ZZEF1: variants seen among roughly 807,000 people sequenced by gnomAD.
ZZEF1 encodes the protein zinc finger ZZ-type and EF-hand domain containing 1.
A neutral mutation model predicts 342.8 loss-of-function variants in ZZEF1; 157 were observed. That is an observed-to-expected ratio of 0.46 (90% confidence interval 0.40 to 0.52). The LOEUF (loss-of-function observed/expected upper bound fraction) is 0.52, where lower values mean the gene tolerates loss of function less well. Ranked by LOEUF, ZZEF1 falls within the 20% of genes least tolerant of loss-of-function variation. The pLI, the probability that ZZEF1 is intolerant of heterozygous loss-of-function variation, is 0.00. For synonymous variants in ZZEF1, 1,505 were observed against 1,429.1 expected (o/e 1.05, Z -1.20); for missense variants, 3,480 against 3,725.6 (o/e 0.93, Z 1.72).
At position 4,013,512 on chromosome 17, in the gene ZZEF1, G is replaced by A. The variant is rs1488698570; in HGVS notation, c.8516C>T (p.Thr2839Ile). ...GATGGCTTTTAATCGTTGATGGCCAGTCTGGCGACAGGCCACGCCCACCAG... is the reference window on the plus strand; with the variant it reads ...GATGGCTTTTAATCGTTGATGGCCAATCTGGCGACAGGCCACGCCCACCAG... Reference protein sequence around the residue: ...EWLVGVACRQTGHQRLKAIHL... With the variant: ...EWLVGVACRQIGHQRLKAIHL... The change falls in exon 52 of 55, where the codon ACT (threonine) becomes ATT (isoleucine). Residue 2839 changes from threonine (T) to isoleucine (I), a missense_variant. Transcript: ENST00000381638. 2 of 1,614,060 alleles carry A rather than the reference G, an allele frequency of 1.2e-6. No homozygotes were observed. Among genetic ancestry groups the A allele is most frequent in the Admixed American group, 1.7e-5 (1 of 60,006 alleles).
intron 1 of ZZEF1, among the ~76,000 whole-genome samples, chr17:4,136,399 C>T (rs891252000): frequency 1.3e-5 from 2 of 151,604 alleles, no homozygotes; most frequent in Non-Finnish European, 2.9e-5. Flanking sequence ...TGAACTACAA[C>T]CATAGAAAAC....
intron 52 of ZZEF1, among the ~76,000 whole-genome samples, chr17:4,011,514 A>G (rs2055956201): frequency 6.6e-6 from 1 of 151,944 alleles, no homozygotes; most frequent in Non-Finnish European, 1.5e-5. Context: ...TAAGTAAAGC[A>G]GAGCCTCTGC....
At chr17:4,038,641 C>T (rs2056729793) in intron 39 of ZZEF1, among the ~76,000 whole-genome samples, 2 of 152,024 alleles carry the variant, frequency 1.3e-5, no homozygotes, top group East Asian at 3.8e-4. Flanking sequence ...CCCGGCTCTA[C>T]TCAAAATATA....
At chr17:4,018,573 A>G (rs943716916) in intron 46 of ZZEF1, among the ~76,000 whole-genome samples, 8 of 152,234 alleles carry the variant, frequency 5.3e-5, no homozygotes, top group African/African-American at 1.7e-4. Flanking sequence ...CACAGAAAAC[A>G]GAAGTGAGGT....
chr17:4,102,413 T>A lies in ZZEF1; in HGVS notation c.1576A>T (p.Lys526Ter). The A allele has an allele frequency of 6.2e-7, 1 of 1,613,300 alleles. No individual in the cohort carries two copies. The highest frequency in any genetic ancestry group is 8.5e-7 in the Non-Finnish European group (1 of 1,179,428). Residue 526 changes from lysine to a stop codon, truncating the protein, a stop_gained and splice_region_variant, in exon 9 of 55, where the codon AAA (lysine) becomes TAA (stop). Transcript: ENST00000381638. LOFTEE classifies it high-confidence loss of function. ...GCCTGAAGAGTCAACTGGAGAGGTT[T>A]ACCTGACCAAAGAAAAGGAAGACCA... ...VRQNLLLKYG[K>*]PLQLTLQACD...
intron 1 of ZZEF1, 126 bp from the exon 2 acceptor site, chr17:4,124,177 C>T: frequency 8.4e-7 from 1 of 1,190,428 alleles, no homozygotes; most frequent in Non-Finnish European, 1.1e-6. Flanking sequence ...GAGAAGAGTC[C>T]ATATGTATCA....
intron 1 of ZZEF1, among the ~76,000 whole-genome samples, chr17:4,126,650 G>A (rs967341561): frequency 7.2e-5 from 11 of 152,156 alleles, no homozygotes; most frequent in African/African-American, 2.4e-4. Flanking sequence ...GTGGTAAAAA[G>A]CCTATTTTAA....
At chr17:4,110,482 C>T (rs1013291457) in intron 5 of ZZEF1, among the ~76,000 whole-genome samples, 1 of 152,148 alleles carries the variant, frequency 6.6e-6, no homozygotes, top group South Asian at 2.1e-4. Context: ...CTCTACCTCC[C>T]TAGGCCTCAG....
rs1371015214 is a variant in ZZEF1, at chr17:4,142,841, C to A, written c.55G>T (p.Glu19Ter). ...CAGTCCTGGTGTGGGCCCCAGCCCT[C>A]GCCACCGGCAGCTGCCGCTTCGTCT... ...SEDEAAAAGG[E>*]GWGPHQDWAA... is the part of the protein sequence containing the mutation. Residue 19 changes from glutamate (E) to a stop codon, truncating the protein, a stop_gained, in exon 1 of 55, where the codon GAG becomes TAG. Coordinates refer to ENST00000381638, the MANE Select transcript of ZZEF1 (RefSeq NM_015113.4). LOFTEE classifies it high-confidence loss of function. 7.2e-7 allele frequency: 1 copy of A among 1,396,602 alleles called. No individual in the cohort carries two copies. The highest frequency in any genetic ancestry group is 3.0e-5 in the East Asian group (1 of 32,944). The allele number at this position is 1,396,602 out of a possible 1,614,324, so 86.5% of individuals were successfully genotyped here. A position where few individuals can be genotyped will look rare whatever the true frequency, so the allele number is the denominator to read the frequency against.
intron 6 of ZZEF1, among the ~76,000 whole-genome samples, chr17:4,106,278 GCTAAGTAGTTTAATAGGGTTTTGTGTT>G (rs2058211745): frequency 6.6e-6 from 1 of 152,048 alleles, no homozygotes; most frequent in Non-Finnish European, 1.5e-5. Context: ...GAGTCACAGT[GCTAAGTAGTTTAATAGGGTTTTGTGTT>G]TGTTTGTTTC....
chr17:4,046,048 T>C (rs2056905948), intron 37 of ZZEF1, among the ~76,000 whole-genome samples: 1 of 152,180 alleles, frequency 6.6e-6, no homozygotes, highest in African/African-American at 2.4e-5. Flanking sequence ...AGGATGGTCT[T>C]GATCTCCTGA....
intron 38 of ZZEF1, among the ~76,000 whole-genome samples, chr17:4,043,921 C>T (rs1461961552): frequency 6.6e-6 from 1 of 152,220 alleles, no homozygotes; most frequent in Non-Finnish European, 1.5e-5. Context: ...CTGTGAGCTC[C>T]ATGAGGGCAG....
chr17:4,099,079 T>C (rs950564379), intron 9 of ZZEF1, among the ~76,000 whole-genome samples: 7 of 152,152 alleles, frequency 4.6e-5, no homozygotes, highest in East Asian at 3.9e-4. Context: ...CAGAATCGGA[T>C]AGACTCTTTT....
chr17:4,053,605 G>A (rs1009740864), intron 34 of ZZEF1, among the ~76,000 whole-genome samples: 2 of 152,240 alleles, frequency 1.3e-5, no homozygotes, highest in African/African-American at 4.8e-5. Flanking sequence ...GGCAAGGGCT[G>A]TCTCTTACCA....
At chr17:4,036,866 C>T (rs531613777) in intron 39 of ZZEF1, among the ~76,000 whole-genome samples, 1 of 148,164 alleles carries the variant, frequency 6.7e-6, no homozygotes, top group African/African-American at 2.5e-5. Flanking sequence ...CCCGCCCGCA[C>T]TGGGAAGACT....
intron 41 of ZZEF1, among the ~76,000 whole-genome samples, 175 bp downstream of exon 41, chr17:4,032,653 T>C (rs1163652441): frequency 6.6e-6 from 1 of 152,216 alleles, no homozygotes; most frequent in Non-Finnish European, 1.5e-5. Flanking sequence ...GCAAGTTGAA[T>C]AAACCATCCC....
chr17:4,022,810 T>C lies in ZZEF1; in HGVS notation c.7111A>G (p.Ile2371Val), dbSNP rs780271733. 6.2e-7 allele frequency: 1 copy of C among 1,613,706 alleles called. No individual in the cohort carries two copies. The highest frequency in any genetic ancestry group is 2.2e-5 in the East Asian group (1 of 44,856). ...KTLKAHGFEE[I>V]RATFLQTDLL... ...TCGGTCTGAAGGAAAGTAGCACGGA[T>C]CTCCTCAAAACCGTGAGCCTGCCAA... The change falls in exon 44 of 55, where the codon ATC becomes GTC. Residue 2371 changes from isoleucine to valine, a missense_variant. Coordinates refer to ENST00000381638, the MANE Select transcript of ZZEF1 (RefSeq NM_015113.4).
intron 4 of ZZEF1, 58 bp from the exon 5 acceptor site, chr17:4,112,866 A>G: frequency 7.1e-7 from 1 of 1,417,984 alleles, no homozygotes. Context: ...AACTGACAGG[A>G]TCCAGAAGTC....
chr17:4,076,835 G>A lies in ZZEF1; in HGVS notation c.3111+33C>T, dbSNP rs2603032. 605 of 1,613,544 alleles carry A rather than the reference G, an allele frequency of 3.7e-4. 4 individuals carry two copies. In the African/African-American group the frequency reaches 7.3e-3, roughly 19 times the overall value. On this transcript the variant is annotated intron_variant, in intron 20 of 54. Transcript: ENST00000381638. Reference sequence around the variant, plus strand: ...GGATGCAGACCCCCAACCCCCTTCCGGTTCTTTACAAATAGCTGCTAGTTT... The same window carrying A: ...GGATGCAGACCCCCAACCCCCTTCCAGTTCTTTACAAATAGCTGCTAGTTT...
Sources: allele counts gnomAD v4.1 joint callset (sites outside exome capture counted in the v4.1 genomes callset), GRCh38; gene constraint gnomAD v4.1.1; transcripts MANE v1.5; gene names NCBI Gene and HGNC (gene_info 2026-07-23, HGNC 2026-07-21).